PDE6G: variants seen among roughly 807,000 people sequenced by gnomAD.
PDE6G encodes phosphodiesterase 6G, also known as rod cGMP 3',5'-cyclic phosphodiesterase subunit gamma.
A neutral mutation model predicts 10.9 loss-of-function variants in PDE6G; 10 were observed. The ratio of observed to expected loss-of-function variants is 0.91; its 90% CI spans 0.56 to 1.55. PDE6G has a LOEUF of 1.55. Ranked by LOEUF, PDE6G falls within the 40% of genes most tolerant of loss-of-function variation. The pLI is 0.00. For synonymous variants in PDE6G, 41 were observed against 42.8 expected, an observed-to-expected ratio of 0.96 and a Z score of 0.16; for missense variants, 102 against 110.1, an observed-to-expected ratio of 0.93 and a Z score of 0.33.
intron 1 of PDE6G, among the ~76,000 whole-genome samples, chr17:81,654,893 G>A (rs549229446): frequency 4.0e-5 from 6 of 151,636 alleles, no homozygotes; most frequent in South Asian, 4.2e-4. Flanking sequence ...GACTACAGGC[G>A]CCCGACACCA....
In PDE6G at chr17:81,653,473, G is replaced by A. The variant is rs1598719203; in HGVS notation, c.-59-109C>T. On this transcript the variant is annotated intron_variant, in intron 1 of 3. Coordinates refer to ENST00000331056, the MANE Select transcript of PDE6G (RefSeq NM_002602.4). This position sits in a 1 kb window ranked among gnomAD's most constrained non-coding sequence, Gnocchi z 5.2. Reference sequence around the variant, plus strand: ...GAGACCCAGCCCCGCCAGCTCCAGCGTCATCCAGACAGCAGCCCCTGCAAT... The same window carrying A: ...GAGACCCAGCCCCGCCAGCTCCAGCATCATCCAGACAGCAGCCCCTGCAAT... 1.7e-5 allele frequency: 12 copies of A among 725,298 alleles called. No individual in the cohort carries two copies. Among genetic ancestry groups the A allele is most frequent in the Admixed American group, 1.1e-4 (4 of 37,974 alleles). The allele number at this position is 725,298 out of a possible 1,614,324, so 44.9% of individuals were successfully genotyped here.
Position 81,653,491 on chromosome 17 carries a change from C to T in PDE6G, c.-59-127G>A, listed in dbSNP as rs2036400850. 1 of 650,382 alleles carries T rather than the reference C, an allele frequency of 1.5e-6. No individual in the cohort carries two copies. Among genetic ancestry groups the T allele is most frequent in the South Asian group, 1.8e-5 (1 of 54,334 alleles). The allele number at this position is 650,382 out of a possible 1,614,324, so 40.3% of individuals were successfully genotyped here. On this transcript the variant is annotated intron_variant, in intron 1 of 3. Coordinates refer to ENST00000331056, the MANE Select transcript of PDE6G (RefSeq NM_002602.4). The surrounding 1 kb of genome is among the most constrained non-coding windows in gnomAD (Gnocchi z 5.2). Reference sequence around the variant, plus strand: ...CTCCAGCGTCATCCAGACAGCAGCCCCTGCAATCCGCCCTGGGGTAACCAG... The same window carrying T: ...CTCCAGCGTCATCCAGACAGCAGCCTCTGCAATCCGCCCTGGGGTAACCAG...
At chr17:81,657,817 C>T (rs994588125), upstream of PDE6G, among the ~76,000 whole-genome samples, 11 of 151,832 alleles carry the variant, frequency 7.2e-5, no homozygotes, top group Non-Finnish European at 1.2e-4. Context: ...GGAGGCGGAG[C>T]TTGCAGTGAG....
At chr17:81,657,469 C>T (rs1298214914), upstream of PDE6G, among the ~76,000 whole-genome samples, 2 of 152,212 alleles carry the variant, frequency 1.3e-5, no homozygotes, top group Non-Finnish European at 2.9e-5. Context: ...TTTGAATCCA[C>T]CTATGACCCG....
Position 81,651,769 on chromosome 17 carries a change from C to A in PDE6G, c.147-84G>T. 1 of 1,424,306 alleles carries A rather than the reference C, an allele frequency of 7.0e-7. No individual in the cohort carries two copies. Among genetic ancestry groups the A allele is most frequent in the Non-Finnish European group, 9.8e-7 (1 of 1,022,204 alleles). 88.2% of individuals were successfully genotyped at this position (1,424,306 alleles called of 1,614,324 possible). ...AGGCCCGAGGTCATCTCTAGCCTTCCTAGGAGATGAGGTGTTTGGCTGGGA... is the reference window on the plus strand; with the variant it reads ...AGGCCCGAGGTCATCTCTAGCCTTCATAGGAGATGAGGTGTTTGGCTGGGA... On this transcript the variant is annotated intron_variant, in intron 2 of 3. Coordinates refer to ENST00000331056, the MANE Select transcript of PDE6G (RefSeq NM_002602.4). The surrounding 1 kb of genome is among the most constrained non-coding windows in gnomAD (Gnocchi z 4.8).
intron 1 of PDE6G, among the ~76,000 whole-genome samples, chr17:81,655,963 C>T (rs953245022): frequency 1.1e-4 from 17 of 152,288 alleles, no homozygotes; most frequent in African/African-American, 3.1e-4. Flanking sequence ...CCTCTGTCCC[C>T]GGGACTGGGA....
In PDE6G at chr17:81,650,753, G is replaced by T. The variant is rs746166568; in HGVS notation, c.*321C>A. ...GAGGGGACGATCTGGGGTCCAGCAG[G>T]CTCCCGGGCTGGGGTCCACTTCCCG... On this transcript the variant is annotated 3_prime_UTR_variant, in exon 4 of 4. Transcript: ENST00000331056. 54 of 479,328 alleles carry T rather than the reference G, an allele frequency of 1.1e-4. 1 individual carries two copies. Among genetic ancestry groups the T allele is most frequent in the South Asian group, 7.6e-4 (48 of 63,102 alleles). The allele number at this position is 479,328 out of a possible 1,614,324, so 29.7% of individuals were successfully genotyped here. A position where few individuals can be genotyped will look rare whatever the true frequency, so the allele number is the denominator to read the frequency against.
upstream of PDE6G, among the ~76,000 whole-genome samples, chr17:81,657,632 G>T (rs1471643993): frequency 6.6e-6 from 1 of 152,232 alleles, no homozygotes; most frequent in South Asian, 2.1e-4. Context: ...TGTAATCCCA[G>T]CACTTTGGGA....
At position 81,651,184 on chromosome 17, in the gene PDE6G, T is replaced by TC. The variant is rs749592464; in HGVS notation, c.188-35dup. Reference sequence around the variant, plus strand: ...GAAACGGGCCACGGATCAGAGAGGATCCCACGGCCTAGGGACCCCCCCATC... The same window carrying TC: ...GAAACGGGCCACGGATCAGAGAGGATCCCCACGGCCTAGGGACCCCCCCATC... On this transcript the variant is annotated intron_variant, in intron 3 of 3. Transcript: ENST00000331056. The surrounding 1 kb of genome is among the most constrained non-coding windows in gnomAD (Gnocchi z 4.8). The TC allele has an allele frequency of 4.0e-6, 6 of 1,515,418 alleles. No individual in the cohort carries two copies. The South Asian group carries it at 6.7e-5, about 17-fold the overall frequency. 93.9% of individuals were successfully genotyped at this position (1,515,418 alleles called of 1,614,324 possible). A position where few individuals can be genotyped will look rare whatever the true frequency, so the allele number is the denominator to read the frequency against.
At chr17:81,654,715 C>T (rs773596968) in intron 1 of PDE6G, among the ~76,000 whole-genome samples, 1 of 150,396 alleles carries the variant, frequency 6.6e-6, no homozygotes, top group Admixed American at 6.7e-5. Context: ...AAGTAGCCCC[C>T]TAGGATCCTA....
chr17:81,651,616 C>A lies in PDE6G; in HGVS notation c.187+29G>T. The A allele has an allele frequency of 6.2e-7, 1 of 1,612,872 alleles. No individual in the cohort carries two copies. The highest frequency in any genetic ancestry group is 8.5e-7 in the Non-Finnish European group (1 of 1,178,978). On this transcript the variant is annotated intron_variant, in intron 3 of 3. Transcript: ENST00000331056. This position sits in a 1 kb window ranked among gnomAD's most constrained non-coding sequence, Gnocchi z 4.8. The stretch of plus-strand genomic sequence containing the variant: ...GTGTGCCTGGGGGGACCTGGGCAGA[C>A]CTCGGGTTGGTACTGGCAGCCGTCA...
intron 1 of PDE6G, among the ~76,000 whole-genome samples, chr17:81,654,146 G>A (rs2036411999): frequency 1.3e-5 from 2 of 151,926 alleles, no homozygotes; most frequent in Non-Finnish European, 2.9e-5. Context: ...GTCCTCTGTG[G>A]CTCCTGCTGG....
chr17:81,653,383 C>CG lies in PDE6G; in HGVS notation c.-59-20dup, dbSNP rs1568186927. 6.5e-7 allele frequency: 1 copy of CG among 1,548,952 alleles called. No homozygotes were observed. The highest frequency in any genetic ancestry group is 8.8e-7 in the Non-Finnish European group (1 of 1,141,428). On this transcript the variant is annotated intron_variant, in intron 1 of 3. Coordinates refer to ENST00000331056, the MANE Select transcript of PDE6G (RefSeq NM_002602.4). This position sits in a 1 kb window ranked among gnomAD's most constrained non-coding sequence, Gnocchi z 5.2. ...CTGCGGTCTGGGGGCAGACCAGGCC[C>CG]GGGTCCCAGTCAGCCCTCCTGCTTC... is the stretch of plus-strand genomic sequence containing the variant.
At chr17:81,652,803 AT>A (rs1188802724) in intron 2 of PDE6G, among the ~76,000 whole-genome samples, 1 of 45,948 alleles carries the variant, frequency 2.2e-5, no homozygotes, top group African/African-American at 1.2e-4. Flanking sequence ...CAAACTCGCG[AT>A]CCTAGGGGGC....
rs754454113 is a variant in PDE6G at position 81,653,209 on chromosome 17, G to A, written c.97C>T (p.Arg33Ter). ...TTGCTCTTGAACTGCCTGGTCTGTCGCTGCTTAAATTTAGGGGGCCCTTTC... is the reference window on the plus strand; with the variant it reads ...TTGCTCTTGAACTGCCTGGTCTGTCACTGCTTAAATTTAGGGGGCCCTTTC... ...PRKGPPKFKQ[R>*]QTRQFKSKPP... The change falls in exon 2 of 4, where the codon CGA becomes TGA. Residue 33 changes from arginine to a stop codon, truncating the protein, a stop_gained. Coordinates refer to ENST00000331056, the MANE Select transcript of PDE6G (RefSeq NM_002602.4). LOFTEE classifies it high-confidence loss of function. The surrounding 1 kb of genome is among the most constrained non-coding windows in gnomAD (Gnocchi z 5.2). The A allele has an allele frequency of 6.2e-6, 10 of 1,613,950 alleles. No individual in the cohort carries two copies. Among genetic ancestry groups the A allele is most frequent in the Middle Eastern group, 1.6e-4 (1 of 6,084 alleles).
chr17:81,652,754 T>C (rs1341484701), intron 2 of PDE6G, among the ~76,000 whole-genome samples: 2 of 112,452 alleles, frequency 1.8e-5, no homozygotes, highest in Non-Finnish European at 1.8e-5. Context: ...TTTGTATTTT[T>C]AGTAGAGACA....
chr17:81,652,369 C>T (rs113328948), intron 2 of PDE6G, among the ~76,000 whole-genome samples: 23 of 151,674 alleles, frequency 1.5e-4, no homozygotes, highest in African/African-American at 4.4e-4. Flanking sequence ...CTCTGCCTCC[C>T]GGGTTCACAC....
chr17:81,656,477 G>T lies in PDE6G; in HGVS notation c.-60+16C>A. 1 of 760,454 alleles carries T rather than the reference G, an allele frequency of 1.3e-6. No individual in the cohort carries two copies. Among genetic ancestry groups the T allele is most frequent in the East Asian group, 2.4e-5 (1 of 41,046 alleles). 47.1% of individuals were successfully genotyped at this position (760,454 alleles called of 1,614,324 possible). A position where few individuals can be genotyped will look rare whatever the true frequency, so the allele number is the denominator to read the frequency against. ...AGTGGCTGCCAGGAAAGACAGCGGG[G>T]TTGGCCACTACTCACCAAGTGCAGG... On this transcript the variant is annotated intron_variant, in intron 1 of 3. Coordinates refer to ENST00000331056, the MANE Select transcript of PDE6G (RefSeq NM_002602.4).
chr17:81,660,157 A>C (rs997606810), upstream of PDE6G, among the ~76,000 whole-genome samples: 1 of 152,202 alleles, frequency 6.6e-6, no homozygotes, highest in African/African-American at 2.4e-5. Context: ...TCACACCTGT[A>C]ATCCAGCACT....
Sources: allele counts gnomAD v4.1 joint callset (sites outside exome capture counted in the v4.1 genomes callset), GRCh38; gene constraint gnomAD v4.1.1; non-coding constraint Gnocchi (gnomAD v3.1); transcripts MANE v1.5; gene names NCBI Gene and HGNC (gene_info 2026-07-23, HGNC 2026-07-21).